The following H3C4 variants were observed in gnomAD, a reference collection of about 807,000 sequenced individuals.
H3C4 encodes H3 clustered histone 4.
Under a neutral mutation model 8.7 loss-of-function variants are expected in H3C4, and 10 were observed. That is an observed-to-expected ratio of 1.15 (90% CI 0.71 to 1.96). The LOEUF (loss-of-function observed/expected upper bound fraction) is 1.96. Among genes scored for constraint, H3C4 ranks in the 30% most tolerant of loss-of-function variants. The pLI is 0.00. For missense variants in H3C4, 216 were observed against 192.9 expected, an observed-to-expected ratio of 1.12 and a Z score of -0.71; for synonymous variants, 141 against 80.1, an observed-to-expected ratio of 1.76 and a Z score of -4.06.
At position 26,197,163 on chromosome 6, in the gene H3C4, C is replaced by T; in HGVS notation, c.88G>A (p.Ala30Thr). The change falls in exon 1 of 1, where the codon GCT (alanine) becomes ACT (threonine). Residue 30 changes from alanine to threonine, a missense_variant. By Grantham distance (58) the Ala-to-Thr change is moderately conservative. Transcript: ENST00000356476. The part of the protein sequence containing the change: ...QLATKAARKS[A>T]PATGGVKKPH... ...TTCTTCACGCCGCCGGTGGCTGGAG[C>T]GCTCTTTCGAGCAGCCTTGGTGGCC... 2.5e-6 allele frequency: 4 copies of T among 1,614,158 alleles called. No individual in the cohort carries two copies. Among genetic ancestry groups the T allele is most frequent in the Non-Finnish European group, 3.4e-6 (4 of 1,180,010 alleles).
At chr6:26,198,381 G>C (rs1765031303), upstream of H3C4, among the ~76,000 whole-genome samples, 2 of 152,172 alleles carry the variant, frequency 1.3e-5, no homozygotes, top group South Asian at 4.1e-4. Flanking sequence ...GCCGAAACTG[G>C]AGTGCAGTGG....
upstream of H3C4, among the ~76,000 whole-genome samples, chr6:26,197,831 A>G (rs567847282): frequency 0.18 from 1,584 of 8,650 alleles, 10 homozygotes; most frequent in Non-Finnish European, 0.2. Context: ...TCCTCATATG[A>G]AAGCACTCTT....
chr6:26,197,032 A>T lies in H3C4; in HGVS notation c.219T>A (p.Arg73=). ...CAGTCTTGAAGTCCTGCGCGATCTCACGGACTAGACGCTGGAATGGCAGTT... is the reference window on the plus strand; with the variant it reads ...CAGTCTTGAAGTCCTGCGCGATCTCTCGGACTAGACGCTGGAATGGCAGTT... The part of the protein sequence containing the change: ...IRKLPFQRLV[R]EIAQDFKTDL... The change falls in exon 1 of 1, where the codon CGT becomes CGA. Residue 73 remains arginine, a synonymous_variant. Coordinates refer to ENST00000356476, the MANE Select transcript of H3C4 (RefSeq NM_001376937.1). 1.2e-6 allele frequency: 2 copies of T among 1,613,956 alleles called. No homozygotes were observed. The highest frequency in any genetic ancestry group is 1.7e-6 in the Non-Finnish European group (2 of 1,179,854).
At chr6:26,198,642 T>C (rs926413514), upstream of H3C4, among the ~76,000 whole-genome samples, 2 of 152,242 alleles carry the variant, frequency 1.3e-5, no homozygotes, top group African/African-American at 4.8e-5. Context: ...AATTTGCTTA[T>C]GTATTTTTAT....
rs535488676 is a variant in H3C4, at chr6:26,196,908, C to A, written c.343G>T (p.Ala115Ser). 1.9e-6 allele frequency: 3 copies of A among 1,614,238 alleles called. No homozygotes were observed. The highest frequency in any genetic ancestry group is 1.1e-5 in the South Asian group (1 of 91,092). The change falls in exon 1 of 1, where the codon GCC becomes TCC. Residue 115 changes from alanine to serine, a missense_variant. Ala to Ser is a moderately conservative substitution (Grantham distance 99, BLOSUM62 1). Transcript: ENST00000356476. Reference protein sequence around the residue: ...FEDTNLCAIHAKRVTIMPKDI... With the variant: ...FEDTNLCAIHSKRVTIMPKDI... Reference sequence around the variant, plus strand: ...TTGGGCATGATAGTCACTCGCTTGGCGTGAATGGCGCATAGGTTGGTGTCC... The same window carrying A: ...TTGGGCATGATAGTCACTCGCTTGGAGTGAATGGCGCATAGGTTGGTGTCC...
Position 26,196,820 on chromosome 6 carries a change from G to A in H3C4, c.*20C>T, listed in dbSNP as rs1296602493. 2 of 1,613,968 alleles carry A rather than the reference G, an allele frequency of 1.2e-6. No individual in the cohort carries two copies. The highest frequency in any genetic ancestry group is 1.7e-6 in the Non-Finnish European group (2 of 1,179,880). On this transcript the variant is annotated 3_prime_UTR_variant, in exon 1 of 1. Coordinates refer to ENST00000356476, the MANE Select transcript of H3C4 (RefSeq NM_001376937.1). ...GAAAAGAGCCTTTGGGTTTTGGTTA[G>A]CACACATTCACAAGACAATTTACGC...
At chr6:26,198,890 G>C (rs1581450493), upstream of H3C4, 3 of 1,614,060 alleles carry the variant, frequency 1.9e-6, no homozygotes, top group Non-Finnish European at 2.5e-6. Flanking sequence ...CAGTCTTCTT[G>C]GGGAGCAGTA....
At chr6:26,198,807 T>C, upstream of H3C4, 1 of 1,589,694 alleles carries the variant, frequency 6.3e-7, no homozygotes, top group East Asian at 2.2e-5. Flanking sequence ...AAAGAGCCTT[T>C]GTTAAGACTG....
At position 26,197,167 on chromosome 6, in the gene H3C4, C is replaced by T. The variant is rs1280076170; in HGVS notation, c.84G>A (p.Lys28=). 1.9e-6 allele frequency: 3 copies of T among 1,614,054 alleles called. No homozygotes were observed. The highest frequency in any genetic ancestry group is 1.3e-5 in the African/African-American group (1 of 74,940). The change falls in exon 1 of 1, where the codon AAG becomes AAA. Residue 28 remains lysine (K), a synonymous_variant. Transcript: ENST00000356476. ...TCACGCCGCCGGTGGCTGGAGCGCT[C>T]TTTCGAGCAGCCTTGGTGGCCAGCT... ...RKQLATKAAR[K]SAPATGGVKK... is the part of the protein sequence containing the mutation.
At chr6:26,198,994 G>A (rs113561314), upstream of H3C4, 155,598 of 1,614,112 alleles carry the variant, frequency 0.096, 8,041 homozygotes, top group Middle Eastern at 0.15. Flanking sequence ...GCCAGCTGCA[G>A]GTGTCGGGGG....
At chr6:26,199,242 AT>A (rs756066875), upstream of H3C4, 2 of 1,593,170 alleles carry the variant, frequency 1.3e-6, no homozygotes, top group Non-Finnish European at 1.7e-6. Flanking sequence ...GCGTCCGGAC[AT>A]TTTGAATTCT....
In H3C4 at chr6:26,197,152, G is replaced by T; in HGVS notation, c.99C>A (p.Thr33=). ...AACGGTGGGGCTTCTTCACGCCGCC[G>T]GTGGCTGGAGCGCTCTTTCGAGCAG... The part of the protein sequence containing the change: ...TKAARKSAPA[T]GGVKKPHRYR... Residue 33 remains threonine (T), a synonymous_variant, in exon 1 of 1, where the codon ACC becomes ACA. Coordinates refer to ENST00000356476, the MANE Select transcript of H3C4 (RefSeq NM_001376937.1). The T allele has an allele frequency of 1.2e-6, 2 of 1,614,136 alleles. No homozygotes were observed. The highest frequency in any genetic ancestry group is 8.5e-7 in the Non-Finnish European group (1 of 1,180,020).
upstream of H3C4, among the ~76,000 whole-genome samples, chr6:26,197,774 C>A (rs951141422): frequency 6.6e-6 from 1 of 151,164 alleles, no homozygotes; most frequent in African/African-American, 2.4e-5. Flanking sequence ...AATATGAAAC[C>A]TGATGTTAAG....
At chr6:26,197,650 T>G (rs1417236293), upstream of H3C4, among the ~76,000 whole-genome samples, 1 of 152,196 alleles carries the variant, frequency 6.6e-6, no homozygotes, top group Non-Finnish European at 1.5e-5. Flanking sequence ...TGATTTCTTT[T>G]TACCCTCTTA....
upstream of H3C4, chr6:26,199,273 T>C (rs200354786): frequency 3.0e-5 from 47 of 1,580,344 alleles, no homozygotes; most frequent in Middle Eastern, 5.1e-4. Context: ...TGTTAAGCAA[T>C]GAAGACAAAA....
chr6:26,198,932 A>G (rs760217565), upstream of H3C4: 1 of 1,614,168 alleles, frequency 6.2e-7, no homozygotes, highest in Non-Finnish European at 8.5e-7. Context: ...CACCGCCCTG[A>G]GCAATTGTGA....
At chr6:26,198,239 T>G (rs912806935), upstream of H3C4, among the ~76,000 whole-genome samples, 4 of 152,232 alleles carry the variant, frequency 2.6e-5, no homozygotes, top group Admixed American at 2.6e-4. Flanking sequence ...TCTCAGGCCT[T>G]TTAACAGCTT....
At chr6:26,197,990 G>A (rs1166750944), upstream of H3C4, among the ~76,000 whole-genome samples, 1 of 151,706 alleles carries the variant, frequency 6.6e-6, no homozygotes, top group East Asian at 1.9e-4. Context: ...AGGGCCGTCT[G>A]GCTCCAGGGG....
rs955028263 is a variant in H3C4, at chr6:26,196,880, T to C, written c.371A>G (p.Asp124Gly). 9.3e-6 allele frequency: 15 copies of C among 1,614,210 alleles called. No individual in the cohort carries two copies. The highest frequency in any genetic ancestry group is 1.3e-5 in the Non-Finnish European group (15 of 1,180,034). Residue 124 changes from aspartate (D) to glycine (G), a missense_variant, in exon 1 of 1, where the codon GAC becomes GGC. By Grantham distance (94) the Asp-to-Gly change is moderately conservative (BLOSUM62 -1). Transcript: ENST00000356476. ...HAKRVTIMPK[D>G]IQLARRIRGE... ...ACGAATGCGGCGAGCAAGCTGGATG[T>C]CCTTGGGCATGATAGTCACTCGCTT...
Sources: gnomAD v4.1 joint callset for allele counts (sites outside exome capture counted in the v4.1 genomes callset) on GRCh38, gnomAD v4.1.1 for gene constraint, MANE v1.5 for transcripts, NCBI Gene and HGNC (gene_info 2026-07-23, HGNC 2026-07-21) for gene names.